Variants in SH3KBP1 observed in about 807,000 individuals in gnomAD.
SH3KBP1 encodes the protein SH3 domain-containing kinase-binding protein 1.
A neutral mutation model predicts 50.1 loss-of-function variants in SH3KBP1; 8 were observed. The observed-to-expected ratio is 0.16, with a 90% CI of 0.09 to 0.29. The LOEUF (loss-of-function observed/expected upper bound fraction) is 0.29, where lower values mean the gene tolerates loss of function less well. Among genes scored for constraint, SH3KBP1 ranks in the 10% least tolerant of loss-of-function variants. The pLI is 1.00. For missense variants in SH3KBP1, 377 were observed against 535.2 expected, an observed-to-expected ratio of 0.70 and a Z score of 2.92; for synonymous variants, 227 against 218.6, an observed-to-expected ratio of 1.04 and a Z score of -0.34.
chrX:19,594,638 G>A (rs913487909), intron 10 of SH3KBP1, among the ~76,000 whole-genome samples: 1 of 111,414 alleles, frequency 9.0e-6, no homozygotes, highest in African/African-American at 3.3e-5. Flanking sequence ...CTCCTCAAAA[G>A]CTGTTTACTT....
intron 1 of SH3KBP1, among the ~76,000 whole-genome samples, chrX:19,877,277 A>AT (rs1329429861): frequency 8.9e-6 from 1 of 112,072 alleles, no homozygotes; most frequent in Non-Finnish European, 1.9e-5. Flanking sequence ...GGCAAAGTTC[A>AT]TTTACGAAGT....
chrX:19,839,339 ATT>A (rs1212228482), intron 1 of SH3KBP1, among the ~76,000 whole-genome samples: 6 of 100,615 alleles, frequency 6.0e-5, no homozygotes, highest in African/African-American at 1.8e-4. Context: ...AAAAAACAAA[ATT>A]TTTTTTTTTT....
chrX:19,557,618 T>C lies in SH3KBP1; in HGVS notation c.1385-7535A>G, dbSNP rs936243185. Among the ~76,000 whole-genome samples, 99 of 111,985 alleles carry C rather than the reference T, an allele frequency of 8.8e-4. 2 individuals carry two copies. Among genetic ancestry groups the C allele is most frequent in the Non-Finnish European group, 2.8e-4 (15 of 53,235 alleles). The stretch of plus-strand genomic sequence containing the variant: ...ATTATGGGTAAGTATAGCTATTTAA[T>C]TAAATTTTAATAGTCACACATGGCT... On this transcript the variant is annotated intron_variant, in intron 13 of 17. Transcript: ENST00000397821.
chrX:19,705,190 C>T (rs1035029013), intron 4 of SH3KBP1, among the ~76,000 whole-genome samples: 1 of 112,078 alleles, frequency 8.9e-6, no homozygotes, highest in Non-Finnish European at 1.9e-5. Flanking sequence ...TTTTCTCCGT[C>T]TGGGATCTGT....
chrX:19,751,993 A>T (rs748081475), intron 2 of SH3KBP1, among the ~76,000 whole-genome samples: 1 of 112,489 alleles, frequency 8.9e-6, no homozygotes, highest in Non-Finnish European at 1.9e-5. Flanking sequence ...CATCCGTTTC[A>T]TACTTTACAG....
At chrX:19,584,710 T>C (rs775229325) in intron 12 of SH3KBP1, among the ~76,000 whole-genome samples, 1 of 111,600 alleles carries the variant, frequency 9.0e-6, no homozygotes, top group South Asian at 3.8e-4. Context: ...GTATTCCTTT[T>C]TTCTGAAAGA....
intron 2 of SH3KBP1, among the ~76,000 whole-genome samples, chrX:19,760,023 C>CCT (rs375944570): frequency 9.6e-5 from 8 of 83,584 alleles, no homozygotes; most frequent in Admixed American, 1.2e-4. Context: ...CTCTCTCTCT[C>CCT]CTCTCTCTCT....
chrX:19,827,267 G>C (rs1208814848), intron 2 of SH3KBP1, among the ~76,000 whole-genome samples: 1 of 111,807 alleles, frequency 8.9e-6, no homozygotes, highest in East Asian at 2.8e-4. Context: ...ATGTACTTTT[G>C]CCGAACACAT....
Position 19,883,065 on chromosome X carries a change from C to T in SH3KBP1, c.4+4242G>A, listed in dbSNP as rs1277877610. Among the ~76,000 whole-genome samples the T allele has an allele frequency of 6.2e-5, 7 of 112,085 alleles. No homozygotes were observed. In the East Asian group the frequency reaches 1.1e-3, roughly 18 times the overall value. On this transcript the variant is annotated intron_variant, in intron 1 of 17. Transcript: ENST00000397821. Reference sequence around the variant, plus strand: ...GTGTACCCCAGTGAACCACGAGCTCCGGATGTCAGCTTTCTCAACTGTAAG... The same window carrying T: ...GTGTACCCCAGTGAACCACGAGCTCTGGATGTCAGCTTTCTCAACTGTAAG...
intron 2 of SH3KBP1, among the ~76,000 whole-genome samples, chrX:19,767,512 A>AT (rs373100940): frequency 1.2e-3 from 134 of 110,692 alleles, no homozygotes; most frequent in Non-Finnish European, 2.0e-3. Context: ...GTAGAAAGGG[A>AT]TTTTTTTTTA....
intron 1 of SH3KBP1, among the ~76,000 whole-genome samples, chrX:19,847,379 T>C (rs941815327): frequency 9.0e-6 from 1 of 111,612 alleles, no homozygotes; most frequent in Non-Finnish European, 1.9e-5. Context: ...GGCTGAGTGC[T>C]TGGCCCCGTC....
chrX:19,631,581 G>A (rs954927734), intron 8 of SH3KBP1, among the ~76,000 whole-genome samples: 6 of 112,748 alleles, frequency 5.3e-5, no homozygotes, highest in Non-Finnish European at 3.7e-5. Context: ...ATCTCCAGCC[G>A]AGCAGGCTGC....
chrX:19,827,353 C>A (rs1379693180), intron 2 of SH3KBP1, among the ~76,000 whole-genome samples: 1 of 111,707 alleles, frequency 9.0e-6, no homozygotes, highest in African/African-American at 3.3e-5. Context: ...CAAGCATATT[C>A]TTTTAACCCC....
chrX:19,758,314 T>G (rs1361811001), intron 2 of SH3KBP1, among the ~76,000 whole-genome samples: 1 of 78,411 alleles, frequency 1.3e-5, no homozygotes, highest in African/African-American at 5.1e-5. Flanking sequence ...GGCCACAGAG[T>G]GAGACTTCGT....
chrX:19,659,336 A>G (rs1015605103), intron 6 of SH3KBP1, among the ~76,000 whole-genome samples: 81 of 110,002 alleles, frequency 7.4e-4, no homozygotes, highest in Middle Eastern at 4.7e-3. Flanking sequence ...GCTGGTCTCG[A>G]ACTCCTGACC....
intron 2 of SH3KBP1, among the ~76,000 whole-genome samples, chrX:19,766,905 C>A (rs2065637656): frequency 1.8e-5 from 2 of 111,135 alleles, no homozygotes; most frequent in Non-Finnish European, 3.8e-5. Context: ...GATTCTAATC[C>A]AAAATCCTTA....
chrX:19,535,173 A>G lies in SH3KBP1; in HGVS notation c.*1244T>C, dbSNP rs2064675949. On this transcript the variant is annotated 3_prime_UTR_variant, in exon 18 of 18. Transcript: ENST00000397821. ...TAGTCTAAGGCTGAACTGTTCATGT[A>G]CTACAAAGATAAAGCGGACAGGCAA... 6.9e-6 allele frequency: 2 copies of G among 291,458 alleles called. No individual in the cohort carries two copies. The highest frequency in any genetic ancestry group is 6.1e-5 in the Admixed American group (1 of 16,307). The allele number at this position is 291,458 out of a possible 1,213,427, so 24.0% of individuals were successfully genotyped here.
intron 13 of SH3KBP1, among the ~76,000 whole-genome samples, chrX:19,558,642 C>A (rs2065564967): frequency 8.9e-6 from 1 of 111,812 alleles, no homozygotes; most frequent in East Asian, 2.8e-4. Flanking sequence ...CTGTTGTTAA[C>A]TATTTTATCA....
At chrX:19,826,836 C>T (rs772057017) in intron 2 of SH3KBP1, among the ~76,000 whole-genome samples, 68 of 111,497 alleles carry the variant, frequency 6.1e-4, no homozygotes, top group Non-Finnish European at 1.1e-3. Flanking sequence ...ATTAATGGCC[C>T]TTGAGTTTAA....
Sources: allele counts gnomAD v4.1 joint callset (sites outside exome capture counted in the v4.1 genomes callset), GRCh38; gene constraint gnomAD v4.1.1; transcripts MANE v1.5; gene names NCBI Gene and HGNC (gene_info 2026-07-23, HGNC 2026-07-21).